Variants in NRXN3 observed in about 807,000 individuals in gnomAD.
NRXN3 encodes neurexin III.
A neutral mutation model predicts 137.6 loss-of-function variants in NRXN3; 32 were observed. That is an observed-to-expected ratio of 0.23 (90% CI 0.18 to 0.31). The LOEUF (loss-of-function observed/expected upper bound fraction) is 0.31, where lower values mean the gene tolerates loss of function less well. Among genes scored for constraint, NRXN3 ranks in the 10% least tolerant of loss-of-function variants. NRXN3 has a pLI of 1.00. For synonymous variants in NRXN3, 798 were observed against 784.5 expected (o/e 1.02, Z -0.29); for missense variants, 1,574 against 2,062.5 (o/e 0.76, Z 4.59).
At chr14:79,687,261 C>A (rs144196023) in intron 17 of NRXN3, among the ~76,000 whole-genome samples, 1 of 152,124 alleles carries the variant, frequency 6.6e-6, no homozygotes, top group Admixed American at 6.5e-5. Flanking sequence ...TTCTAGATGG[C>A]CTTTGGGTGT....
chr14:79,836,489 A>G (rs540254218), intron 20 of NRXN3, among the ~76,000 whole-genome samples: 1 of 152,132 alleles, frequency 6.6e-6, no homozygotes, highest in Admixed American at 6.6e-5. Context: ...ACTAGCCTGC[A>G]GGACACAAAG....
intron 4 of NRXN3, among the ~76,000 whole-genome samples, chr14:78,328,264 G>A (rs934596059): frequency 2.2e-4 from 33 of 152,184 alleles, no homozygotes; most frequent in African/African-American, 7.5e-4. Context: ...TTGACTGTTC[G>A]CTCAATAGAC....
chr14:79,660,001 C>A (rs1174690643), intron 16 of NRXN3, among the ~76,000 whole-genome samples: 3 of 152,128 alleles, frequency 2.0e-5, no homozygotes, highest in African/African-American at 7.2e-5. Flanking sequence ...CTTACAACAG[C>A]CCTATGAAGT....
At chr14:79,286,330 A>T (rs1277263367) in intron 15 of NRXN3, among the ~76,000 whole-genome samples, 3 of 152,098 alleles carry the variant, frequency 2.0e-5, no homozygotes, top group Admixed American at 2.0e-4. Context: ...TGGTGAAAAC[A>T]AGAGAAAAAA....
intron 4 of NRXN3, among the ~76,000 whole-genome samples, chr14:78,603,804 A>T (rs974982688): frequency 6.6e-6 from 1 of 152,150 alleles, no homozygotes; most frequent in African/African-American, 2.4e-5. Context: ...CCCATGAGCC[A>T]TGGCCTTCAT....
chr14:79,712,170 G>A lies in NRXN3; in HGVS notation c.4014+14233G>A, dbSNP rs190848831. ...TGCCCTAAAGTCCTGCTCTATACTG[G>A]TAACCCTTTTATATCCTTTTCAGAC... On this transcript the variant is annotated intron_variant, in intron 19 of 20. Transcript: ENST00000335750. Among the ~76,000 whole-genome samples the A allele has an allele frequency of 4.5e-4, 69 of 152,242 alleles. 1 individual carries two copies. The highest frequency in any genetic ancestry group is 8.8e-4 in the Non-Finnish European group (60 of 68,000).
At chr14:78,322,877 A>T (rs1219897332) in intron 4 of NRXN3, among the ~76,000 whole-genome samples, 2 of 152,100 alleles carry the variant, frequency 1.3e-5, no homozygotes, top group East Asian at 3.9e-4. Context: ...ACTCCTTAGA[A>T]TGTCGTGCTG....
intron 15 of NRXN3, chr14:79,279,414 C>G (rs1206441509): frequency 1.0e-6 from 1 of 986,094 alleles, no homozygotes. Flanking sequence ...GGTCCGCGCA[C>G]TTCGCAGGCG....
At chr14:79,557,798 T>A (rs969503085) in intron 16 of NRXN3, among the ~76,000 whole-genome samples, 3 of 152,014 alleles carry the variant, frequency 2.0e-5, no homozygotes, top group Admixed American at 1.3e-4. Flanking sequence ...AATAAGACAA[T>A]AATAAAGTTT....
At chr14:78,329,682 A>G (rs1338704548) in intron 4 of NRXN3, among the ~76,000 whole-genome samples, 1 of 152,180 alleles carries the variant, frequency 6.6e-6, no homozygotes, top group Non-Finnish European at 1.5e-5. Flanking sequence ...GGAAAAATCC[A>G]GTAGGAATTA....
intron 14 of NRXN3, among the ~76,000 whole-genome samples, chr14:78,986,075 A>G (rs1281407574): frequency 6.6e-6 from 1 of 152,208 alleles, no homozygotes; most frequent in African/African-American, 2.4e-5. Context: ...CTTGCCACCC[A>G]GAAGACGAAC....
intron 20 of NRXN3, among the ~76,000 whole-genome samples, chr14:79,826,171 T>C (rs962824114): frequency 7.9e-5 from 12 of 152,120 alleles, no homozygotes; most frequent in African/African-American, 2.9e-4. Flanking sequence ...AGTTTTTATA[T>C]TTTTAGTAGA....
At chr14:78,663,260 C>A (rs1000159981) in intron 6 of NRXN3, among the ~76,000 whole-genome samples, 6 of 152,184 alleles carry the variant, frequency 3.9e-5, no homozygotes, top group African/African-American at 1.4e-4. Context: ...TTTAAACTTA[C>A]TGTAAGGAAT....
intron 16 of NRXN3, among the ~76,000 whole-genome samples, chr14:79,565,712 T>A (rs545389545): frequency 6.6e-6 from 1 of 152,144 alleles, no homozygotes; most frequent in South Asian, 2.1e-4. Context: ...TCTGGTAGAT[T>A]CTTTGAGGGA....
At chr14:78,753,553 T>A (rs957092582) in intron 8 of NRXN3, among the ~76,000 whole-genome samples, 11 of 152,214 alleles carry the variant, frequency 7.2e-5, no homozygotes, top group South Asian at 2.1e-4. Flanking sequence ...GCATTTTTTT[T>A]ATGCTCTCAG....
intron 16 of NRXN3, among the ~76,000 whole-genome samples, chr14:79,496,709 A>G (rs995058029): frequency 6.6e-6 from 1 of 152,202 alleles, no homozygotes; most frequent in African/African-American, 2.4e-5. Context: ...TAAAACTGTG[A>G]TAGTAAGTTT....
intron 4 of NRXN3, among the ~76,000 whole-genome samples, chr14:78,392,770 C>T (rs1372732443): frequency 6.6e-6 from 1 of 152,078 alleles, no homozygotes; most frequent in Non-Finnish European, 1.5e-5. Context: ...GAGGATCAAT[C>T]TGCAGTGGGT....
chr14:79,781,365 C>T (rs2099113301), intron 19 of NRXN3, among the ~76,000 whole-genome samples: 2 of 152,132 alleles, frequency 1.3e-5, no homozygotes, highest in South Asian at 4.1e-4. Context: ...TGTCAAAATG[C>T]ATGGTAATTT....
intron 16 of NRXN3, among the ~76,000 whole-genome samples, chr14:79,634,543 C>T (rs1359161774): frequency 2.6e-5 from 4 of 152,100 alleles, no homozygotes; most frequent in Non-Finnish European, 4.4e-5. Flanking sequence ...TTCTCTAAAG[C>T]AAGAACTGTA....
Sources: allele counts gnomAD v4.1 joint callset (sites outside exome capture counted in the v4.1 genomes callset), GRCh38; gene constraint gnomAD v4.1.1; transcripts MANE v1.5; gene names NCBI Gene and HGNC (gene_info 2026-07-23, HGNC 2026-07-21).